The following PARP3 variants were observed in gnomAD, a reference collection of about 807,000 sequenced individuals.
The protein encoded by PARP3 is protein mono-ADP-ribosyltransferase PARP3.
In PARP3, 46 loss-of-function variants were observed where a neutral mutation model predicts 58.2. The observed-to-expected ratio is 0.79, with a 90% confidence interval of 0.62 to 1.01. The LOEUF (loss-of-function observed/expected upper bound fraction) is 1.01. PARP3 is among the 50% of genes least tolerant of loss of function. The probability of loss-of-function intolerance (pLI) is 0.00; values close to 1 mark genes in which losing one functional copy is unlikely to be tolerated. For missense variants in PARP3, 663 were observed against 683.9 expected (o/e 0.97, Z 0.34); for synonymous variants, 252 against 266.4 (o/e 0.95, Z 0.53).
chr3:51,943,540 T>A lies in PARP3; in HGVS notation c.183+2T>A. 1 of 1,606,592 alleles carries A rather than the reference T, an allele frequency of 6.2e-7. No individual in the cohort carries two copies. The highest frequency in any genetic ancestry group is 8.5e-7 in the Non-Finnish European group (1 of 1,177,066). ...CTCAGCAGCAACCCCGGGACCCAGG[T>A]GAGCTGCAGTCCCCAGTCAGGCCCA... On this transcript the variant is annotated splice_donor_variant, in intron 2 of 10. Coordinates refer to ENST00000398755, the MANE Select transcript of PARP3 (RefSeq NM_001003931.4). LOFTEE classifies it high-confidence loss of function.
In PARP3 at chr3:51,943,414, G is replaced by A. The variant is rs777130796; in HGVS notation, c.59G>A (p.Arg20Gln). 24 of 1,604,796 alleles carry A rather than the reference G, an allele frequency of 1.5e-5. No homozygotes were observed. The highest frequency in any genetic ancestry group is 1.6e-4 in the Middle Eastern group (1 of 6,068). Residue 20 changes from arginine to glutamine, a missense_variant, in exon 2 of 11, where the codon CGG (arginine) becomes CAG (glutamine). By Grantham distance (43) the Arg-to-Gln change is conservative. Around this residue, in one of 3 missense-constraint regions of PARP3, gnomAD observed 567 missense variants for 553.6 expected, o/e 1.02. Coordinates refer to ENST00000398755, the MANE Select transcript of PARP3 (RefSeq NM_001003931.4). ...QTEGPEKKKGRQAGREEDPFR... is the reference protein window; with the variant it reads ...QTEGPEKKKGQQAGREEDPFR... Reference sequence around the variant, plus strand: ...GAGGGCCCTGAGAAGAAGAAGGGCCGGCAGGCAGGAAGGGAGGAGGACCCC... The same window carrying A: ...GAGGGCCCTGAGAAGAAGAAGGGCCAGCAGGCAGGAAGGGAGGAGGACCCC...
In PARP3 at chr3:51,944,980, AC is replaced by A; in HGVS notation, c.635-17del. On this transcript the variant is annotated splice_polypyrimidine_tract_variant and intron_variant, in intron 5 of 10. Coordinates refer to ENST00000398755, the MANE Select transcript of PARP3 (RefSeq NM_001003931.4). This position sits in a 1 kb window ranked among gnomAD's most constrained non-coding sequence, Gnocchi z 4.2. Reference sequence around the variant, plus strand: ...CAGGGCTGTGGGGCTGAGTCTCCCCACTCCCCTGTCCCCCTAGATGTGAAGA... The same window carrying A: ...CAGGGCTGTGGGGCTGAGTCTCCCCATCCCCTGTCCCCCTAGATGTGAAGA... The A allele has an allele frequency of 6.2e-7, 1 of 1,612,802 alleles. No homozygotes were observed. Among genetic ancestry groups the A allele is most frequent in the Middle Eastern group, 1.6e-4 (1 of 6,062 alleles).
chr3:51,946,161 C>T lies in PARP3; in HGVS notation c.1099-5C>T. ...ACTCCCATTTCTCACTTCCTCTCCA[C>T]TCAGGAAGACAGATTCCAGGCCCAC... On this transcript the variant is annotated splice_polypyrimidine_tract_variant and splice_region_variant and intron_variant, in intron 8 of 10. Coordinates refer to ENST00000398755, the MANE Select transcript of PARP3 (RefSeq NM_001003931.4). The surrounding 1 kb of genome is among the most constrained non-coding windows in gnomAD (Gnocchi z 4.6). The T allele has an allele frequency of 1.9e-6, 3 of 1,585,946 alleles. No individual in the cohort carries two copies. Among genetic ancestry groups the T allele is most frequent in the Non-Finnish European group, 2.6e-6 (3 of 1,164,272 alleles).
intron 2 of PARP3, among the ~76,000 whole-genome samples, chr3:51,943,794 C>G (rs1252025224): frequency 6.6e-6 from 1 of 152,150 alleles, no homozygotes; most frequent in Non-Finnish European, 1.5e-5. Flanking sequence ...ACATCAGTCT[C>G]CTGGGCGCTT....
At chr3:51,942,980 G>A (rs1245983384) in intron 1 of PARP3, 71 of 1,405,646 alleles carry the variant, frequency 5.1e-5, no homozygotes, top group Non-Finnish European at 3.4e-5. Context: ...GCTGACACAG[G>A]GGGAGGAGCC....
chr3:51,945,947 A>G lies in PARP3; in HGVS notation c.1098+8A>G, dbSNP rs1699666945. On this transcript the variant is annotated splice_region_variant and intron_variant, in intron 8 of 10. Coordinates refer to ENST00000398755, the MANE Select transcript of PARP3 (RefSeq NM_001003931.4). ...GTAAACCAAGAAGGGGAGGTGAGGG[A>G]GGTTCCCCCACCTCTCCCCCATCAC... The G allele has an allele frequency of 6.2e-7, 1 of 1,609,130 alleles. No individual in the cohort carries two copies. The highest frequency in any genetic ancestry group is 8.5e-7 in the Non-Finnish European group (1 of 1,175,698).
rs1451238748 is a variant in PARP3 at position 51,948,436 on chromosome 3, G to A, written c.1558G>A (p.Glu520Lys). The A allele has an allele frequency of 3.1e-6, 5 of 1,614,026 alleles. No homozygotes were observed. Among genetic ancestry groups the A allele is most frequent in the South Asian group, 1.1e-5 (1 of 91,086 alleles). ...CCAGAGCGAGTACCTCATCTACCAG[G>A]AGAGCCAGTGTCGCCTGCGCTACCT... ...FSQSEYLIYQ[E>K]SQCRLRYLLE... The change falls in exon 11 of 11, where the codon GAG (glutamate) becomes AAG (lysine). Residue 520 changes from glutamate (E) to lysine (K), a missense_variant. Glu to Lys is a moderately conservative substitution (Grantham distance 56, BLOSUM62 1). This residue lies in a region of PARP3 where 88 missense variants were observed against 109.1 expected (regional missense o/e 0.81). Transcript: ENST00000398755.
At position 51,947,748 on chromosome 3, in the gene PARP3, A is replaced by T. The variant is rs767354688; in HGVS notation, c.1285A>T (p.Met429Leu). 1 of 1,614,138 alleles carries T rather than the reference A, an allele frequency of 6.2e-7. No homozygotes were observed. The highest frequency in any genetic ancestry group is 1.1e-5 in the South Asian group (1 of 91,084). ...NSKSAGYVIG[M>L]KCGAHHVGYM... ...CTCCCTGTGTCTTGCAGTTATTGGCATGAAGTGTGGGGCCCACCATGTCGG... is the reference window on the plus strand; with the variant it reads ...CTCCCTGTGTCTTGCAGTTATTGGCTTGAAGTGTGGGGCCCACCATGTCGG... Residue 429 changes from methionine (M) to leucine (L), a missense_variant, in exon 10 of 11, where the codon ATG becomes TTG. This residue lies in a region of PARP3 where 567 missense variants were observed against 553.6 expected (regional missense o/e 1.02). Coordinates refer to ENST00000398755, the MANE Select transcript of PARP3 (RefSeq NM_001003931.4).
At position 51,943,535 on chromosome 3, in the gene PARP3, C is replaced by A. The variant is rs781518444; in HGVS notation, c.180C>A (p.Thr60=). ...GTCCACTCAGCAGCAACCCCGGGACCCAGGTGAGCTGCAGTCCCCAGTCAG... is the reference window on the plus strand; with the variant it reads ...GTCCACTCAGCAGCAACCCCGGGACACAGGTGAGCTGCAGTCCCCAGTCAG... The part of the protein sequence containing the change: ...PTCPLSSNPG[T]QVYEDYNCTL... Residue 60 remains threonine, a synonymous_variant, in exon 2 of 11, where the codon ACC becomes ACA. Coordinates refer to ENST00000398755, the MANE Select transcript of PARP3 (RefSeq NM_001003931.4). 1.4e-5 allele frequency: 23 copies of A among 1,607,846 alleles called. No homozygotes were observed. The South Asian group carries it at 2.3e-4, about 16-fold the overall frequency.
chr3:51,945,730 C>T (rs956973466), intron 7 of PARP3, 86 bp downstream of exon 7: 26 of 1,535,092 alleles, frequency 1.7e-5, no homozygotes, highest in African/African-American at 4.1e-5. Context: ...GAGGAATACT[C>T]GCCCTCAGCC....
At position 51,943,487 on chromosome 3, in the gene PARP3, C is replaced by G. The variant is rs767202745; in HGVS notation, c.132C>G (p.Arg44=). 1 of 1,611,194 alleles carries G rather than the reference C, an allele frequency of 6.2e-7. No individual in the cohort carries two copies. Among genetic ancestry groups the G allele is most frequent in the South Asian group, 1.1e-5 (1 of 90,608 alleles). ...EALKAIPAEK[R]IIRVDPTCPL... ...TCAAGGCCATACCCGCAGAGAAGCG[C>G]ATAATCCGCGTGGATCCAACATGTC... The change falls in exon 2 of 11, where the codon CGC becomes CGG. Residue 44 remains arginine (R), a synonymous_variant. Coordinates refer to ENST00000398755, the MANE Select transcript of PARP3 (RefSeq NM_001003931.4).
At position 51,947,750 on chromosome 3, in the gene PARP3, G is replaced by T. The variant is rs368727238; in HGVS notation, c.1287G>T (p.Met429Ile). ...NSKSAGYVIG[M>I]KCGAHHVGYM... ...CCCTGTGTCTTGCAGTTATTGGCAT[G>T]AAGTGTGGGGCCCACCATGTCGGCT... The change falls in exon 10 of 11, where the codon ATG becomes ATT. Residue 429 changes from methionine to isoleucine, a missense_variant. Physicochemically the swap from Met to Ile is conservative, Grantham distance 10. This residue lies in a region of PARP3 where 567 missense variants were observed against 553.6 expected (regional missense o/e 1.02). Coordinates refer to ENST00000398755, the MANE Select transcript of PARP3 (RefSeq NM_001003931.4). The T allele has an allele frequency of 2.5e-6, 4 of 1,614,040 alleles. No individual in the cohort carries two copies. The highest frequency in any genetic ancestry group is 3.4e-6 in the Non-Finnish European group (4 of 1,180,022).
intron 6 of PARP3, 54 bp downstream of exon 6, chr3:51,945,278 G>A: frequency 6.4e-7 from 1 of 1,560,834 alleles, no homozygotes; most frequent in East Asian, 2.3e-5. Context: ...AGACAGCCTA[G>A]GCGAGCGAGA....
Position 51,944,087 on chromosome 3 carries a change from A to G in PARP3, c.184-2A>G. On this transcript the variant is annotated splice_acceptor_variant, in intron 2 of 10. Transcript: ENST00000398755. LOFTEE classifies it high-confidence loss of function. This position sits in a 1 kb window ranked among gnomAD's most constrained non-coding sequence, Gnocchi z 4.2. ...CTGCCCCCCACCTCCCCTCTGGCCC[A>G]GGTGTATGAGGACTACAACTGCACC... 2 of 1,606,180 alleles carry G rather than the reference A, an allele frequency of 1.2e-6. No homozygotes were observed. The highest frequency in any genetic ancestry group is 2.2e-5 in the South Asian group (2 of 90,194).
At position 51,946,349 on chromosome 3, in the gene PARP3, G is replaced by T. The variant is rs888491681; in HGVS notation, c.1276+6G>T. On this transcript the variant is annotated splice_donor_region_variant and intron_variant, in intron 9 of 10. Transcript: ENST00000398755. The surrounding 1 kb of genome is among the most constrained non-coding windows in gnomAD (Gnocchi z 4.6). Reference sequence around the variant, plus strand: ...CAGCAAGTCAGCTGGATATGGTGAGGTGCCCCTCTGGGCCAAGCCCTGGGA... The same window carrying T: ...CAGCAAGTCAGCTGGATATGGTGAGTTGCCCCTCTGGGCCAAGCCCTGGGA... 56 of 1,596,470 alleles carry T rather than the reference G, an allele frequency of 3.5e-5. No homozygotes were observed. The highest frequency in any genetic ancestry group is 4.8e-5 in the Non-Finnish European group (56 of 1,170,734).
chr3:51,942,985 G>A, intron 1 of PARP3: 2 of 1,404,232 alleles, frequency 1.4e-6, no homozygotes, highest in South Asian at 3.2e-5. Flanking sequence ...CACAGGGGGA[G>A]GAGCCCCGAA....
intron 8 of PARP3, 21 bp downstream of exon 8, chr3:51,945,960 T>C: frequency 6.3e-7 from 1 of 1,589,018 alleles, no homozygotes; most frequent in Non-Finnish European, 8.6e-7. Flanking sequence ...TTCCCCCACC[T>C]CTCCCCCATC....
chr3:51,947,448 C>A (rs1699706521), intron 9 of PARP3, among the ~76,000 whole-genome samples: 1 of 152,076 alleles, frequency 6.6e-6, no homozygotes, highest in African/African-American at 2.4e-5. Flanking sequence ...ATGTCAGGAG[C>A]AAAGTCAGCA....
intron 10 of PARP3, 110 bp from the exon 11 acceptor site, chr3:51,948,201 T>C: frequency 8.8e-7 from 1 of 1,141,906 alleles, no homozygotes. Flanking sequence ...AAGGTGGAAA[T>C]GAGCAGGCGT....
Sources: gnomAD v4.1 joint callset for allele counts (sites outside exome capture counted in the v4.1 genomes callset) on GRCh38, gnomAD v4.1.1 for gene constraint, gnomAD v4.1.1 regional missense constraint, Gnocchi (gnomAD v3.1) non-coding constraint, MANE v1.5 for transcripts, NCBI Gene and HGNC (gene_info 2026-07-23, HGNC 2026-07-21) for gene names.